The following PTPRG variants were observed in gnomAD, a reference collection of about 807,000 sequenced individuals.
PTPRG encodes protein tyrosine phosphatase receptor type G, also known as receptor-type tyrosine-protein phosphatase gamma.
In PTPRG, 102 loss-of-function variants were observed where a neutral mutation model predicts 165.3. The observed-to-expected ratio is 0.62, with a 90% CI of 0.53 to 0.73. The LOEUF is 0.73. Among genes scored for constraint, PTPRG ranks in the 30% least tolerant of loss-of-function variants. The pLI, the probability that PTPRG is intolerant of heterozygous loss-of-function variation, is 0.00. For missense variants in PTPRG, 1,866 were observed against 1,861.4 expected (o/e 1.00, Z -0.05); for synonymous variants, 675 against 669.5 (o/e 1.01, Z -0.13).
intron 17 of PTPRG, 71 bp downstream of exon 17, chr3:62,262,965 GC>G (rs1701745290): frequency 6.0e-6 from 7 of 1,174,898 alleles, no homozygotes; most frequent in Non-Finnish European, 8.7e-6. Context: ...TAAGCTGAAA[GC>G]CAAGCAGTCA....
intron 1 of PTPRG, chr3:61,742,692 T>C: frequency 6.2e-7 from 1 of 1,606,152 alleles, no homozygotes. Context: ...TTTCGTTGTG[T>C]GTGAGCAGGG....
At chr3:61,892,062 T>C (rs942706337) in intron 2 of PTPRG, among the ~76,000 whole-genome samples, 9 of 152,222 alleles carry the variant, frequency 5.9e-5, no homozygotes, top group Non-Finnish European at 1.2e-4. Flanking sequence ...TGAAGAAAGA[T>C]TTTTCATTCA....
chr3:62,290,769 A>G (rs1434300280), intron 28 of PTPRG, among the ~76,000 whole-genome samples: 1 of 152,180 alleles, frequency 6.6e-6, no homozygotes, highest in Non-Finnish European at 1.5e-5. Context: ...CATCAAAGCA[A>G]GAATAAGACT....
intron 1 of PTPRG, among the ~76,000 whole-genome samples, chr3:61,579,976 T>A (rs193066770): frequency 4.1e-4 from 63 of 152,220 alleles, no homozygotes; most frequent in East Asian, 3.9e-4. Context: ...TGACAATTTT[T>A]AAAAAATCAC....
At chr3:62,098,242 T>C (rs955891839) in intron 5 of PTPRG, among the ~76,000 whole-genome samples, 5 of 151,898 alleles carry the variant, frequency 3.3e-5, no homozygotes, top group Non-Finnish European at 7.4e-5. Flanking sequence ...GAATTGAAAT[T>C]ATTTGAAAAA....
chr3:62,194,944 C>T, intron 9 of PTPRG, 118 bp from the exon 10 acceptor site: 1 of 918,328 alleles, frequency 1.1e-6, no homozygotes, highest in South Asian at 1.5e-5. Context: ...AGCCTTTGGT[C>T]AGCAGGGAAG....
At chr3:61,790,831 C>T (rs1219605143) in intron 2 of PTPRG, among the ~76,000 whole-genome samples, 1 of 148,990 alleles carries the variant, frequency 6.7e-6, no homozygotes, top group African/African-American at 2.5e-5. Context: ...GAAAATATGT[C>T]GAATAAGTCA....
chr3:61,610,511 C>T (rs1043135992), intron 1 of PTPRG, among the ~76,000 whole-genome samples: 2 of 152,058 alleles, frequency 1.3e-5, no homozygotes, highest in African/African-American at 4.8e-5. Context: ...CAGCAGTCTT[C>T]GTAGCAGATG....
intron 6 of PTPRG, among the ~76,000 whole-genome samples, chr3:62,154,060 C>G (rs527483368): frequency 3.7e-4 from 57 of 152,314 alleles, no homozygotes; most frequent in South Asian, 6.2e-4. Flanking sequence ...TTATCCAGCC[C>G]TAAAGTCAAA....
chr3:62,197,511 T>G (rs561719401), intron 10 of PTPRG, among the ~76,000 whole-genome samples: 1 of 152,340 alleles, frequency 6.6e-6, no homozygotes, highest in African/African-American at 2.4e-5. Context: ...TGCCCACCTT[T>G]ACTGTGAACA....
intron 7 of PTPRG, among the ~76,000 whole-genome samples, chr3:62,166,823 C>T (rs530976523): frequency 2.0e-4 from 30 of 151,956 alleles, no homozygotes; most frequent in African/African-American, 6.3e-4. Flanking sequence ...CAAGAAGCTG[C>T]GACTACAGGC....
intron 2 of PTPRG, among the ~76,000 whole-genome samples, chr3:61,935,107 C>T (rs771369840): frequency 5.8e-4 from 88 of 152,098 alleles, no homozygotes; most frequent in Non-Finnish European, 7.9e-4. Flanking sequence ...AGAGCTGCCA[C>T]GTGCAGCCCC....
intron 2 of PTPRG, among the ~76,000 whole-genome samples, chr3:61,890,498 A>G (rs1438837297): frequency 6.8e-6 from 1 of 146,032 alleles, no homozygotes; most frequent in Admixed American, 6.9e-5. Context: ...ATAGTCTTTG[A>G]GCAAAGATGC....
chr3:62,063,984 C>A (rs886986920), intron 4 of PTPRG, among the ~76,000 whole-genome samples: 4 of 152,244 alleles, frequency 2.6e-5, no homozygotes, highest in African/African-American at 9.6e-5. Context: ...GGATGCATTC[C>A]TTTAGAACAC....
Position 62,229,549 on chromosome 3 carries a change from T to A in PTPRG, c.2289-1676T>A, listed in dbSNP as rs1700845775. 6.6e-6 allele frequency among the ~76,000 whole-genome samples: 1 copy of A among 152,174 alleles called. No homozygotes were observed. The highest frequency in any genetic ancestry group is 1.5e-5 in the Non-Finnish European group (1 of 68,030). ...TACTTAAAAAGCTGGACTGATTCTGTTAGGGAAGCGGTGGGTGGGTAAATT... is the reference window on the plus strand; with the variant it reads ...TACTTAAAAAGCTGGACTGATTCTGATAGGGAAGCGGTGGGTGGGTAAATT... On this transcript the variant is annotated intron_variant, in intron 13 of 29. Coordinates refer to ENST00000474889, the MANE Select transcript of PTPRG (RefSeq NM_002841.4). The surrounding 1 kb of genome is among the most constrained non-coding windows in gnomAD (Gnocchi z 4.6).
intron 2 of PTPRG, among the ~76,000 whole-genome samples, chr3:61,836,135 A>G (rs2107312566): frequency 7.1e-6 from 1 of 141,552 alleles, no homozygotes; most frequent in Non-Finnish European, 1.5e-5. Flanking sequence ...CTCTTTGGAT[A>G]TTTGTAGGCC....
intron 2 of PTPRG, among the ~76,000 whole-genome samples, chr3:61,849,785 G>T (rs189346183): frequency 1.5e-3 from 225 of 152,342 alleles, no homozygotes; most frequent in Non-Finnish European, 2.3e-3. Flanking sequence ...CGGAAGGACT[G>T]GGGTGCTTAA....
At chr3:61,739,940 C>G (rs868019431) in intron 1 of PTPRG, among the ~76,000 whole-genome samples, 10 of 152,152 alleles carry the variant, frequency 6.6e-5, no homozygotes, top group African/African-American at 2.4e-4. Flanking sequence ...AATGAAAATA[C>G]AGATATTGGT....
At chr3:61,607,207 C>T (rs955108509) in intron 1 of PTPRG, among the ~76,000 whole-genome samples, 1 of 152,172 alleles carries the variant, frequency 6.6e-6, no homozygotes, top group Non-Finnish European at 1.5e-5. Flanking sequence ...TGTGTACCTC[C>T]TTCCTTGACA....
Sources: allele counts gnomAD v4.1 joint callset (sites outside exome capture counted in the v4.1 genomes callset), GRCh38; gene constraint gnomAD v4.1.1; non-coding constraint Gnocchi (gnomAD v3.1); transcripts MANE v1.5; gene names NCBI Gene and HGNC (gene_info 2026-07-23, HGNC 2026-07-21).